TARP: variants seen among roughly 807,000 people sequenced by gnomAD.
the TARP span, among the ~76,000 whole-genome samples, chr7:38,266,231 A>G: frequency 2.7e-5 from 4 of 150,328 alleles, no homozygotes; most frequent in Admixed American, 2.7e-4. Flanking sequence ...GTGTACTCCC[A>G]CTCTTCATTT....
the TARP span, among the ~76,000 whole-genome samples, chr7:38,271,977 G>T: frequency 7.9e-5 from 12 of 151,152 alleles, no homozygotes; most frequent in East Asian, 5.8e-4. Context: ...TTACATATTC[G>T]AGTTGGGGGA....
chr7:38,273,215 G>T, the TARP span, among the ~76,000 whole-genome samples: 2 of 138,418 alleles, frequency 1.4e-5, no homozygotes, highest in African/African-American at 5.4e-5. Context: ...TTCATCTTTT[G>T]GTGACCAAAT....
the TARP span, chr7:38,265,710 G>C: frequency 1.0e-5 from 15 of 1,445,492 alleles, no homozygotes; most frequent in Admixed American, 2.9e-4. Context: ...GAGTTTAAAA[G>C]AATCATTAGA....
At chr7:38,268,938 C>T in the TARP span, among the ~76,000 whole-genome samples, 1 of 151,074 alleles carries the variant, frequency 6.6e-6, no homozygotes, top group Non-Finnish European at 1.5e-5. Flanking sequence ...GGACAATGTG[C>T]CAAGTACTTA....
chr7:38,272,506 G>T, the TARP span, among the ~76,000 whole-genome samples: 1 of 139,716 alleles, frequency 7.2e-6, no homozygotes. Flanking sequence ...TATCTAGTAT[G>T]ATTCCAACTT....
At chr7:38,271,171 G>A in the TARP span, among the ~76,000 whole-genome samples, 3 of 151,280 alleles carry the variant, frequency 2.0e-5, no homozygotes. Flanking sequence ...GAAAGAGATA[G>A]CTTAAATAAA....
the TARP span, among the ~76,000 whole-genome samples, chr7:38,264,809 G>T: frequency 6.6e-6 from 1 of 151,526 alleles, no homozygotes; most frequent in African/African-American, 2.4e-5. Flanking sequence ...AAAGGAAATA[G>T]AAAATTGGAA....
chr7:38,268,778 T>A, the TARP span, among the ~76,000 whole-genome samples: 2 of 151,722 alleles, frequency 1.3e-5, no homozygotes, highest in South Asian at 2.1e-4. Flanking sequence ...GTTGATAACC[T>A]TCCATTTGAG....
At chr7:38,265,881 T>C in the TARP span, among the ~76,000 whole-genome samples, 18 of 151,502 alleles carry the variant, frequency 1.2e-4, no homozygotes, top group Non-Finnish European at 5.9e-5. Context: ...ATCAAGACAT[T>C]AAATAACTTG....
At chr7:38,260,525 G>C in the TARP span, among the ~76,000 whole-genome samples, 5 of 150,010 alleles carry the variant, frequency 3.3e-5, no homozygotes, top group African/African-American at 1.2e-4. Flanking sequence ...TGATGTGTTA[G>C]GTAGTTGTGG....
the TARP span, among the ~76,000 whole-genome samples, chr7:38,261,738 G>A: frequency 7.3e-5 from 11 of 151,060 alleles, no homozygotes; most frequent in African/African-American, 2.7e-4. Flanking sequence ...CGGGCATGGT[G>A]GCACGCGCCT....
chr7:38,263,421 AATAG>A, the TARP span, among the ~76,000 whole-genome samples: 462 of 152,060 alleles, frequency 3.0e-3, no homozygotes, highest in African/African-American at 0.011. Flanking sequence ...AATCCACAGA[AATAG>A]ATAGAAAGTT....
At chr7:38,261,670 G>A in the TARP span, among the ~76,000 whole-genome samples, 3 of 151,214 alleles carry the variant, frequency 2.0e-5, no homozygotes, top group South Asian at 2.1e-4. Flanking sequence ...TCACAAATTC[G>A]AGGCCATCCT....
At chr7:38,270,421 C>A in the TARP span, among the ~76,000 whole-genome samples, 1 of 151,244 alleles carries the variant, frequency 6.6e-6, no homozygotes, top group Non-Finnish European at 1.5e-5. Flanking sequence ...CCTTACCTAC[C>A]GTGTTAAGAA....
chr7:38,267,211 G>A, the TARP span, among the ~76,000 whole-genome samples: 1 of 151,556 alleles, frequency 6.6e-6, no homozygotes, highest in Admixed American at 6.6e-5. Context: ...TGAATAAAAT[G>A]TACATATAAT....
At chr7:38,265,364 G>C in the TARP span, 140 of 1,610,314 alleles carry the variant, frequency 8.7e-5, no homozygotes, top group Non-Finnish European at 1.1e-4. Context: ...TTTATTGGAG[G>C]AAAGATAATT....
At chr7:38,269,061 G>C in the TARP span, among the ~76,000 whole-genome samples, 1 of 151,750 alleles carries the variant, frequency 6.6e-6, no homozygotes, top group South Asian at 2.1e-4. Flanking sequence ...TCACTAAGCA[G>C]TGAGTGGTGG....
the TARP span, chr7:38,265,430 T>C: frequency 6.2e-7 from 1 of 1,612,232 alleles, no homozygotes; most frequent in Admixed American, 1.7e-5. Context: ...CTGTGTTCTT[T>C]GTCCAGTGAC....
chr7:38,269,266 T>C, the TARP span, among the ~76,000 whole-genome samples: 1 of 151,912 alleles, frequency 6.6e-6, no homozygotes, highest in Non-Finnish European at 1.5e-5. Context: ...GAGCCCTTTA[T>C]GGAAGTCCGT....
Sources: gnomAD v4.1 joint callset for allele counts (sites outside exome capture counted in the v4.1 genomes callset) on GRCh38, gnomAD v4.1.1 for gene constraint, MANE v1.5 for transcripts.